The following KLHL3 variants were observed in gnomAD, a reference collection of about 807,000 sequenced individuals.
KLHL3 encodes the protein kelch like family member 3, also known as kelch-like protein 3.
KLHL3 carries 19 observed loss-of-function variants against 70.5 expected under a neutral mutation model. The observed-to-expected ratio is 0.27, with a 90% confidence interval of 0.19 to 0.40. KLHL3 has a LOEUF of 0.40. Ranked by LOEUF, KLHL3 falls within the 10% of genes least tolerant of loss-of-function variation. KLHL3 has a pLI of 1.00. For synonymous variants in KLHL3, 258 were observed against 290.3 expected (o/e 0.89, Z 1.13); for missense variants, 512 against 771.1 (o/e 0.66, Z 3.98).
At chr5:137,668,868 G>C (rs1419174313) in intron 6 of KLHL3, among the ~76,000 whole-genome samples, 1 of 152,096 alleles carries the variant, frequency 6.6e-6, no homozygotes, top group African/African-American at 2.4e-5. Context: ...GATGAATCAG[G>C]GCTTTTAGAA....
Position 137,720,678 on chromosome 5 carries a change from C to T in KLHL3, c.15-94G>A. On this transcript the variant is annotated intron_variant, in intron 1 of 14. Transcript: ENST00000309755. ...AAAGCCCATGCATTTACCCACCTACCAGAGGCATCTATCAGCCTGTTCTCA... is the reference window on the plus strand; with the variant it reads ...AAAGCCCATGCATTTACCCACCTACTAGAGGCATCTATCAGCCTGTTCTCA... The T allele has an allele frequency of 2.5e-6, 4 of 1,578,354 alleles. No individual in the cohort carries two copies. The South Asian group carries it at 4.6e-5, about 18-fold the overall frequency.
At chr5:137,643,576 A>ATCCT (rs1750971666) in intron 8 of KLHL3, among the ~76,000 whole-genome samples, 1 of 152,142 alleles carries the variant, frequency 6.6e-6, no homozygotes, top group Admixed American at 6.5e-5. Flanking sequence ...TAGGCATAGG[A>ATCCT]AACTCAATTT....
At chr5:137,664,030 A>G (rs1172612510) in intron 6 of KLHL3, among the ~76,000 whole-genome samples, 6 of 152,200 alleles carry the variant, frequency 3.9e-5, no homozygotes, top group Non-Finnish European at 7.3e-5. Flanking sequence ...ATATACCTCA[A>G]TATAAAATAT....
intron 2 of KLHL3, among the ~76,000 whole-genome samples, chr5:137,710,996 G>A (rs1035073758): frequency 1.3e-5 from 2 of 152,158 alleles, no homozygotes; most frequent in Non-Finnish European, 2.9e-5. Flanking sequence ...CCCTCCTTGA[G>A]ATTAAAGCAC....
In KLHL3 at chr5:137,692,341, G is replaced by A. The variant is rs773816786; in HGVS notation, c.470C>T (p.Ala157Val). 5.6e-6 allele frequency: 9 copies of A among 1,613,706 alleles called. No individual in the cohort carries two copies. Among genetic ancestry groups the A allele is most frequent in the Admixed American group, 1.7e-5 (1 of 60,010 alleles). Residue 157 changes from alanine to valine, a missense_variant, in exon 5 of 15, where the codon GCA becomes GTA. By Grantham distance (64) the Ala-to-Val change is moderately conservative. Coordinates refer to ENST00000309755, the MANE Select transcript of KLHL3 (RefSeq NM_017415.3). ...AGTGCAGGTGTGTACATCTGCAAAT[G>A]CACGGATGCCCAGGCAATTGGTGGG... Reference protein sequence around the residue: ...LHPTNCLGIRAFADVHTCTDL... With the variant: ...LHPTNCLGIRVFADVHTCTDL...
intron 11 of KLHL3, among the ~76,000 whole-genome samples, chr5:137,635,013 G>A (rs747389452): frequency 6.6e-6 from 1 of 152,154 alleles, no homozygotes; most frequent in African/African-American, 2.4e-5. Flanking sequence ...CACACTAGCT[G>A]TAGACTAAAT....
chr5:137,628,525 G>C, intron 12 of KLHL3, 88 bp from the exon 13 acceptor site: 6 of 1,470,140 alleles, frequency 4.1e-6, no homozygotes, highest in Non-Finnish European at 3.7e-6. Flanking sequence ...GGACAGCCCT[G>C]ACCAGTGAGG....
rs368206210 is a variant in KLHL3 at position 137,618,513 on chromosome 5, G to A, written c.*3585C>T. The A allele has an allele frequency of 1.8e-4, 27 of 152,204 alleles. No homozygotes were observed. Among genetic ancestry groups the A allele is most frequent in the African/African-American group, 6.5e-4 (27 of 41,516 alleles). 9.4% of individuals were successfully genotyped at this position (152,204 alleles called of 1,614,324 possible). ...ATTGACCCCTCTTTTAAAGGTTAGA[G>A]ACAAGATGCTCCCAAAAAGGGCATC... On this transcript the variant is annotated 3_prime_UTR_variant, in exon 15 of 15. Transcript: ENST00000309755.
intron 5 of KLHL3, among the ~76,000 whole-genome samples, chr5:137,679,949 C>G (rs970191445): frequency 6.6e-6 from 1 of 152,244 alleles, no homozygotes; most frequent in African/African-American, 2.4e-5. Context: ...GAGGAAAATG[C>G]CTTCCCGTTT....
At chr5:137,718,065 T>C (rs537273730) in intron 2 of KLHL3, among the ~76,000 whole-genome samples, 121 of 152,364 alleles carry the variant, frequency 7.9e-4, no homozygotes, top group African/African-American at 2.7e-3. Flanking sequence ...GCGTTTAATA[T>C]GCCAGTATGC....
intron 11 of KLHL3, 130 bp downstream of exon 11, chr5:137,637,164 T>C (rs1207148647): frequency 4.5e-6 from 3 of 667,764 alleles, no homozygotes; most frequent in East Asian, 2.8e-5. Context: ...ATCAGGATAA[T>C]AGTACCTAAC....
intron 3 of KLHL3, among the ~76,000 whole-genome samples, chr5:137,701,427 C>T (rs1752564786): frequency 6.6e-6 from 1 of 152,120 alleles, no homozygotes; most frequent in Non-Finnish European, 1.5e-5. Flanking sequence ...TAACTCTAGA[C>T]CCTGTGTCAT....
At chr5:137,720,970 GGAAACAAAACA>G in intron 1 of KLHL3, 1 of 799,820 alleles carries the variant, frequency 1.3e-6, no homozygotes, top group Non-Finnish European at 1.5e-6. Flanking sequence ...TAGATTTAAG[GGAAACAAAACA>G]ATAGGCAAAG....
chr5:137,673,011 A>G (rs1338263348), intron 6 of KLHL3: 2 of 152,210 alleles, frequency 1.3e-5, no homozygotes, highest in Non-Finnish European at 2.9e-5. Context: ...CCTGACAGCA[A>G]TAACTTAAGC....
At chr5:137,652,925 T>G (rs920572556) in intron 8 of KLHL3, 15 of 152,078 alleles carry the variant, frequency 9.9e-5, no homozygotes, top group African/African-American at 3.6e-4. Flanking sequence ...ACATGATAAA[T>G]GCATATAACT....
rs914648301 is a variant in KLHL3, at chr5:137,650,733, A to G, written c.903+7398T>C. On this transcript the variant is annotated intron_variant, in intron 8 of 14. Transcript: ENST00000309755. The stretch of plus-strand genomic sequence containing the variant: ...GCTACTTGGGTGGCTGAGGCAGGAG[A>G]ATCGCTTGAACCCAGGAATCAGAGG... 2.6e-5 allele frequency among the ~76,000 whole-genome samples: 4 copies of G among 152,018 alleles called. No individual in the cohort carries two copies. The South Asian group carries it at 6.2e-4, about 24-fold the overall frequency.
intron 10 of KLHL3, 82 bp downstream of exon 10, chr5:137,638,871 T>A (rs1750835682): frequency 1.5e-6 from 2 of 1,353,456 alleles, no homozygotes; most frequent in Non-Finnish European, 2.1e-6. Flanking sequence ...AGAAAGTTGG[T>A]CCAGAACTGG....
At chr5:137,714,871 T>G (rs907287206) in intron 2 of KLHL3, among the ~76,000 whole-genome samples, 1 of 152,102 alleles carries the variant, frequency 6.6e-6, no homozygotes, top group Non-Finnish European at 1.5e-5. Flanking sequence ...AAAAGCATAG[T>G]GACAGACCAT....
intron 2 of KLHL3, among the ~76,000 whole-genome samples, chr5:137,715,827 A>G (rs1561618316): frequency 6.6e-6 from 1 of 152,238 alleles, no homozygotes; most frequent in African/African-American, 2.4e-5. Context: ...CAACAGTAAT[A>G]TATGTGTTGT....
Sources: gnomAD v4.1 joint callset for allele counts (sites outside exome capture counted in the v4.1 genomes callset) on GRCh38, gnomAD v4.1.1 for gene constraint, MANE v1.5 for transcripts, NCBI Gene and HGNC (gene_info 2026-07-23, HGNC 2026-07-21) for gene names.